Variants in PLEKHA6 observed in about 807,000 individuals in gnomAD.
The protein encoded by PLEKHA6 is pleckstrin homology domain containing A6.
PLEKHA6 carries 60 observed loss-of-function variants against 116.7 expected under a neutral mutation model. The ratio of observed to expected loss-of-function variants is 0.51; its 90% confidence interval spans 0.42 to 0.64. The LOEUF (loss-of-function observed/expected upper bound fraction) is 0.64. Among genes scored for constraint, PLEKHA6 ranks in the 30% least tolerant of loss-of-function variants. The pLI is 0.00. For missense variants in PLEKHA6, 1,338 were observed against 1,422.7 expected (o/e 0.94, Z 0.96); for synonymous variants, 489 against 556.1 (o/e 0.88, Z 1.70).
intron 1 of PLEKHA6, among the ~76,000 whole-genome samples, chr1:204,340,232 G>GGAA (rs2103310692): frequency 6.6e-6 from 1 of 152,254 alleles, no homozygotes; most frequent in East Asian, 1.9e-4. Context: ...CCCCAGCAGG[G>GGAA]TAGCTGAATG....
At chr1:204,331,681 TAATGAGTAAA>T (rs1672455095) in intron 1 of PLEKHA6, among the ~76,000 whole-genome samples, 1 of 151,608 alleles carries the variant, frequency 6.6e-6, no homozygotes, top group Non-Finnish European at 1.5e-5. Context: ...GCCAAGTAAA[TAATGAGTAAA>T]AGGGAGAAAA....
intron 17 of PLEKHA6, among the ~76,000 whole-genome samples, chr1:204,232,692 A>T (rs903286013): frequency 6.6e-6 from 1 of 152,248 alleles, no homozygotes; most frequent in Non-Finnish European, 1.5e-5. Flanking sequence ...CTACAAACAC[A>T]TGCTAACCTT....
chr1:204,315,947 G>A (rs4245728), intron 1 of PLEKHA6, among the ~76,000 whole-genome samples: 62,861 of 152,042 alleles, frequency 0.41, 13,561 homozygotes, highest in Middle Eastern at 0.5. Context: ...GGGAAGTAAC[G>A]ATAATTCTAT....
chr1:204,375,470 G>A (rs1391825382), intron 1 of PLEKHA6, among the ~76,000 whole-genome samples: 4 of 151,954 alleles, frequency 2.6e-5, no homozygotes, highest in African/African-American at 9.7e-5. Context: ...TCCTGATTTG[G>A]TTCCTGAAGA....
upstream of PLEKHA6, among the ~76,000 whole-genome samples, chr1:204,362,149 T>C (rs1004801800): frequency 5.9e-5 from 9 of 151,972 alleles, no homozygotes; most frequent in African/African-American, 2.2e-4. Context: ...GCGGAAGAGA[T>C]GTGGTAGCAT....
At chr1:204,326,747 C>CTTGG (rs1672257226) in intron 1 of PLEKHA6, among the ~76,000 whole-genome samples, 1 of 152,140 alleles carries the variant, frequency 6.6e-6, no homozygotes, top group South Asian at 2.1e-4. Context: ...TTTCCTTCTC[C>CTTGG]TTGGTTGGTT....
rs138582496 is a variant in PLEKHA6 at position 204,228,992 on chromosome 1, C to T, written c.2696G>A (p.Arg899Gln). 64 of 1,614,056 alleles carry T rather than the reference C, an allele frequency of 4.0e-5. No individual in the cohort carries two copies. Among genetic ancestry groups the T allele is most frequent in the East Asian group, 6.7e-5 (3 of 44,898 alleles). ...GGGCTCTAGCTCCATTTTGCGAAGC[C>T]GGGCAATTTCCTCCCGGGGTGTCTC... ...AYETPREEIA[R>Q]LRKMELEPQH... Residue 899 changes from arginine to glutamine, a missense_variant, in exon 19 of 23, where the codon CGG becomes CAG. Physicochemically the swap from Arg to Gln is conservative, Grantham distance 43. This residue lies in a region of PLEKHA6 where 1,136 missense variants were observed against 1,163.6 expected (regional missense o/e 0.98). Coordinates refer to ENST00000272203, the MANE Select transcript of PLEKHA6 (RefSeq NM_014935.5). This position sits in a 1 kb window ranked among gnomAD's most constrained non-coding sequence, Gnocchi z 4.0.
chr1:204,306,842 T>TA (rs1323191809), intron 1 of PLEKHA6, among the ~76,000 whole-genome samples: 2 of 151,924 alleles, frequency 1.3e-5, no homozygotes, highest in East Asian at 1.9e-4. Flanking sequence ...CATCTAAAAT[T>TA]AAAAAAACAA....
At chr1:204,269,662 C>T (rs1289526115) in intron 3 of PLEKHA6, among the ~76,000 whole-genome samples, 2 of 152,080 alleles carry the variant, frequency 1.3e-5, no homozygotes, top group African/African-American at 2.4e-5. Flanking sequence ...ATGTCACACC[C>T]TTTTACCTAG....
intron 3 of PLEKHA6, among the ~76,000 whole-genome samples, chr1:204,272,002 A>C (rs1359512080): frequency 6.6e-6 from 1 of 151,928 alleles, no homozygotes. Flanking sequence ...GCACCCATTG[A>C]CTTATCATTT....
upstream of PLEKHA6, among the ~76,000 whole-genome samples, chr1:204,363,473 G>A (rs569765469): frequency 5.3e-4 from 80 of 152,314 alleles, no homozygotes; most frequent in Middle Eastern, 3.4e-3. Flanking sequence ...CCCAGCTTGG[G>A]AACCGGGTTA....
intron 1 of PLEKHA6, among the ~76,000 whole-genome samples, chr1:204,291,093 C>T (rs1162377212): frequency 6.6e-6 from 1 of 151,446 alleles, no homozygotes; most frequent in African/African-American, 2.4e-5. Context: ...TATCTAGAAC[C>T]TATGAAGAAC....
chr1:204,369,706 A>G (rs1439334973), intron 2 of PLEKHA6: 2 of 152,136 alleles, frequency 1.3e-5, no homozygotes, highest in Non-Finnish European at 2.9e-5. Context: ...CCAGCCTTAG[A>G]CAACCAGTTG....
At chr1:204,340,321 T>G (rs1413814257) in intron 1 of PLEKHA6, among the ~76,000 whole-genome samples, 2 of 152,226 alleles carry the variant, frequency 1.3e-5, no homozygotes, top group African/African-American at 4.8e-5. Flanking sequence ...TATCCCGTAA[T>G]TATTGTCTCT....
chr1:204,225,009 C>T (rs1256278441), intron 21 of PLEKHA6, among the ~76,000 whole-genome samples: 1 of 152,150 alleles, frequency 6.6e-6, no homozygotes. Flanking sequence ...TATTTATACG[C>T]AATTCTAAAA....
At chr1:204,374,594 C>T (rs893732538) in intron 1 of PLEKHA6, among the ~76,000 whole-genome samples, 2 of 152,068 alleles carry the variant, frequency 1.3e-5, no homozygotes, top group Admixed American at 6.5e-5. Flanking sequence ...CCTGGGTTAT[C>T]GTCCCCCTCC....
At chr1:204,354,334 C>T (rs1673361249) in intron 1 of PLEKHA6, among the ~76,000 whole-genome samples, 1 of 152,192 alleles carries the variant, frequency 6.6e-6, no homozygotes, top group Non-Finnish European at 1.5e-5. Context: ...GCTCTATTTC[C>T]TGAATTCACA....
intron 1 of PLEKHA6, 177 bp from the exon 2 acceptor site, chr1:204,274,986 C>T (rs12095977): frequency 0.2 from 34,370 of 167,830 alleles, 1,802 homozygotes; most frequent in Middle Eastern, 0.33. Flanking sequence ...AGGGTGGGGG[C>T]GGGGTGGGGG....
At chr1:204,294,791 C>T (rs977415310) in intron 1 of PLEKHA6, among the ~76,000 whole-genome samples, 2 of 152,048 alleles carry the variant, frequency 1.3e-5, no homozygotes, top group Admixed American at 6.5e-5. Context: ...TTCATGGGTT[C>T]GTCACAGGAG....
Sources: gnomAD v4.1 joint callset for allele counts (sites outside exome capture counted in the v4.1 genomes callset) on GRCh38, gnomAD v4.1.1 for gene constraint, gnomAD v4.1.1 regional missense constraint, Gnocchi (gnomAD v3.1) non-coding constraint, MANE v1.5 for transcripts, NCBI Gene and HGNC (gene_info 2026-07-23, HGNC 2026-07-21) for gene names.